PHACTR2: variants seen among roughly 807,000 people sequenced by gnomAD.
PHACTR2 encodes phosphatase and actin regulator 2.
A neutral mutation model predicts 76.0 loss-of-function variants in PHACTR2; 30 were observed. The observed-to-expected ratio is 0.39, with a 90% CI of 0.30 to 0.54. PHACTR2 has a LOEUF of 0.54. Among genes scored for constraint, PHACTR2 ranks in the 20% least tolerant of loss-of-function variants. The pLI, the probability that PHACTR2 is intolerant of heterozygous loss-of-function variation, is 0.61. For synonymous variants in PHACTR2, 292 were observed against 292.5 expected, an observed-to-expected ratio of 1.00 and a Z score of 0.02; for missense variants, 696 against 781.1, an observed-to-expected ratio of 0.89 and a Z score of 1.30.
chr6:143,682,445 T>A (rs1262850545), intron 1 of PHACTR2, among the ~76,000 whole-genome samples: 1 of 152,034 alleles, frequency 6.6e-6, no homozygotes, highest in Non-Finnish European at 1.5e-5. Context: ...AAATTCGAGA[T>A]CTCAAGAGAT....
At chr6:143,785,679 G>T (rs1775539562) in intron 10 of PHACTR2, among the ~76,000 whole-genome samples, 2 of 152,048 alleles carry the variant, frequency 1.3e-5, no homozygotes, top group Admixed American at 6.6e-5. Context: ...GCAAACTTTG[G>T]CCTGGGCATC....
Position 143,700,134 on chromosome 6 carries a change from C to T in PHACTR2, c.47-11882C>T, listed in dbSNP as rs542123577. On this transcript the variant is annotated intron_variant, in intron 1 of 12. Coordinates refer to ENST00000440869, the MANE Select transcript of PHACTR2 (RefSeq NM_001100164.2). This position sits in a 1 kb window ranked among gnomAD's most constrained non-coding sequence, Gnocchi z 4.1. ...CTCTGGGCTTTTATTTATCCACCAG[C>T]CTTTCGACTTAAATATATTGGTCTA... is the stretch of plus-strand genomic sequence containing the variant. Among the ~76,000 whole-genome samples, 19 of 152,252 alleles carry T rather than the reference C, an allele frequency of 1.2e-4. No homozygotes were observed. In the East Asian group the frequency reaches 3.7e-3, roughly 29 times the overall value.
rs1562285866 is a variant in PHACTR2 at position 143,731,734 on chromosome 6, C to A, written c.215-17251C>A. Among the ~76,000 whole-genome samples the A allele has an allele frequency of 6.6e-6, 1 of 152,208 alleles. No homozygotes were observed. Among genetic ancestry groups the A allele is most frequent in the Non-Finnish European group, 1.5e-5 (1 of 68,036 alleles). On this transcript the variant is annotated intron_variant, in intron 2 of 12. Transcript: ENST00000440869. The surrounding 1 kb of genome is among the most constrained non-coding windows in gnomAD (Gnocchi z 4.9). The stretch of plus-strand genomic sequence containing the variant: ...ATATCAGGGCAACACCAACTTTATA[C>A]AATCAGTTGGCAACTGTTCCCTCCT...
chr6:143,771,484 T>TGGAGTGCAATGGCGCGATCTTGGC (rs1775139811), intron 6 of PHACTR2, among the ~76,000 whole-genome samples: 1 of 151,716 alleles, frequency 6.6e-6, no homozygotes. Context: ...TTGCCCAGGC[T>TGGAGTGCAATGGCGCGATCTTGGC]GGAGTGCAAT....
chr6:143,551,252 G>C (rs1462862303), intron 1 of PHACTR2, among the ~76,000 whole-genome samples: 4 of 145,720 alleles, frequency 2.7e-5, no homozygotes, highest in Non-Finnish European at 3.1e-5. Context: ...GCTGAACCCT[G>C]TGTATACACT....
rs201163696 is a variant in PHACTR2, at chr6:143,768,701, G to A, written c.1232+2903G>A. On this transcript the variant is annotated intron_variant, in intron 6 of 12. Coordinates refer to ENST00000440869, the MANE Select transcript of PHACTR2 (RefSeq NM_001100164.2). ...AAGAACTGTCAGACCAAAGAGGTAA[G>A]CATCTGTTCTTCATTCCTACTGGGA... is the stretch of plus-strand genomic sequence containing the variant. 8.5e-5 allele frequency among the ~76,000 whole-genome samples: 13 copies of A among 152,330 alleles called. No homozygotes were observed. The East Asian group carries it at 1.5e-3, about 18-fold the overall frequency.
intron 1 of PHACTR2, among the ~76,000 whole-genome samples, chr6:143,568,599 A>G (rs970526261): frequency 2.0e-5 from 3 of 152,244 alleles, no homozygotes; most frequent in African/African-American, 7.2e-5. Context: ...TCAATCCAGA[A>G]AGCAATCAGT....
chr6:143,649,733 A>G (rs912976624), intron 1 of PHACTR2, among the ~76,000 whole-genome samples: 2 of 152,244 alleles, frequency 1.3e-5, no homozygotes, highest in African/African-American at 4.8e-5. Flanking sequence ...CCCACAGCCA[A>G]TATCATACTG....
chr6:143,740,508 TA>T (rs10638908), intron 2 of PHACTR2, among the ~76,000 whole-genome samples: 20 of 128,696 alleles, frequency 1.6e-4, no homozygotes, highest in African/African-American at 3.2e-4. Context: ...TCCTTTTAAT[TA>T]AAAAAAAAAA....
intron 6 of PHACTR2, among the ~76,000 whole-genome samples, chr6:143,770,005 A>G (rs1460873038): frequency 3.3e-5 from 5 of 152,244 alleles, no homozygotes; most frequent in East Asian, 1.9e-4. Flanking sequence ...ACTTCCATGT[A>G]TATAGCCAAA....
chr6:143,797,903 G>A (rs1215571682), intron 11 of PHACTR2, among the ~76,000 whole-genome samples: 1 of 152,102 alleles, frequency 6.6e-6, no homozygotes, highest in Non-Finnish European at 1.5e-5. Flanking sequence ...TTCCATATGA[G>A]GTTTAAAGTA....
rs1359077224 is a variant in PHACTR2 at position 143,595,783 on chromosome 6, G to A, written c.217+58576G>A. ...AGAATAAAAATAAAGAATGTTACCA[G>A]AATGTTCTACTTAATTTAGCTTTCC... On this transcript the variant is annotated intron_variant, in intron 1 of 11. Coordinates refer to the PHACTR2 transcript ENST00000367584. This position sits in a 1 kb window ranked among gnomAD's most constrained non-coding sequence, Gnocchi z 4.2. Among the ~76,000 whole-genome samples, 1 of 152,186 alleles carries A rather than the reference G, an allele frequency of 6.6e-6. No individual in the cohort carries two copies. Among genetic ancestry groups the A allele is most frequent in the Non-Finnish European group, 1.5e-5 (1 of 68,036 alleles).
rs1776662618 is a variant in PHACTR2, at chr6:143,646,553, C to T, written c.13+38231C>T. On this transcript the variant is annotated intron_variant, in intron 1 of 11. Transcript: ENST00000305766. The surrounding 1 kb of genome is among the most constrained non-coding windows in gnomAD (Gnocchi z 4.1). ...TTCAAATATAACTGAAAAAAAGGTG[C>T]TCCATTTTGCATGATTTATTATTGA... Among the ~76,000 whole-genome samples the T allele has an allele frequency of 6.6e-6, 1 of 152,222 alleles. No homozygotes were observed. The highest frequency in any genetic ancestry group is 1.9e-4 in the East Asian group (1 of 5,182).
chr6:143,753,809 A>G lies in PHACTR2; in HGVS notation c.351A>G (p.Gly117=). 2 of 1,612,068 alleles carry G rather than the reference A, an allele frequency of 1.2e-6. No homozygotes were observed. The highest frequency in any genetic ancestry group is 2.7e-5 in the African/African-American group (2 of 74,940). Residue 117 remains glycine (G), a synonymous_variant, in exon 4 of 13, where the codon GGA becomes GGG. Coordinates refer to ENST00000440869, the MANE Select transcript of PHACTR2 (RefSeq NM_001100164.2). The surrounding 1 kb of genome is among the most constrained non-coding windows in gnomAD (Gnocchi z 4.6). ...ENSNGHMIPI[G]EESTREENVV... is the part of the protein sequence containing the mutation. ...CAAACGGGCACATGATACCCATCGG[A>G]GAGGAATCTACCCGAGAGGAAAATG...
Position 143,680,570 on chromosome 6 carries a change from C to CT in PHACTR2, c.46+2362dup, listed in dbSNP as rs1777369106. ...TAGAGCCTTTCAGTTTAGGTTGCAC[C>CT]TAATTCTCTGGGTTCTAGGAAGACC... On this transcript the variant is annotated intron_variant, in intron 1 of 12. Coordinates refer to ENST00000440869, the MANE Select transcript of PHACTR2 (RefSeq NM_001100164.2). The surrounding 1 kb of genome is among the most constrained non-coding windows in gnomAD (Gnocchi z 4.5). 6.6e-6 allele frequency among the ~76,000 whole-genome samples: 1 copy of CT among 152,134 alleles called. No individual in the cohort carries two copies. Among genetic ancestry groups the CT allele is most frequent in the Non-Finnish European group, 1.5e-5 (1 of 68,010 alleles).
intron 1 of PHACTR2, among the ~76,000 whole-genome samples, chr6:143,593,046 CAAAAAAAAAAAA>C (rs67052242): frequency 2.5e-5 from 2 of 78,888 alleles, no homozygotes; most frequent in East Asian, 4.2e-4. Flanking sequence ...GACCCTGCCT[CAAAAAAAAAAAA>C]AAAAAAAAAA....
chr6:143,677,973 G>C lies in PHACTR2; in HGVS notation c.-191G>C. On this transcript the variant is annotated 5_prime_UTR_variant, in exon 1 of 13. Coordinates refer to ENST00000440869, the MANE Select transcript of PHACTR2 (RefSeq NM_001100164.2). ...ATAGAGGAATGACAGGCATCCGCTG[G>C]GCAGGATCCGCCGCGCCGGCTGCGG... The C allele has an allele frequency of 7.0e-7, 1 of 1,421,244 alleles. No homozygotes were observed. 88.0% of individuals were successfully genotyped at this position (1,421,244 alleles called of 1,614,324 possible). A position where few individuals can be genotyped will look rare whatever the true frequency, so the allele number is the denominator to read the frequency against.
rs1347778359 is a variant in PHACTR2, at chr6:143,598,097, C to G, written c.217+60890C>G. Reference sequence around the variant, plus strand: ...GGTCGAAGAATGCCCCCCGCGCCCCCAAAAAAGAACCATATCTTAACCCCT... The same window carrying G: ...GGTCGAAGAATGCCCCCCGCGCCCCGAAAAAAGAACCATATCTTAACCCCT... On this transcript the variant is annotated intron_variant, in intron 1 of 11. Coordinates refer to the PHACTR2 transcript ENST00000367584. The surrounding 1 kb of genome is among the most constrained non-coding windows in gnomAD (Gnocchi z 4.1). Among the ~76,000 whole-genome samples, 1 of 151,908 alleles carries G rather than the reference C, an allele frequency of 6.6e-6. No homozygotes were observed. Among genetic ancestry groups the G allele is most frequent in the East Asian group, 1.9e-4 (1 of 5,188 alleles).
rs1316996214 is a variant in PHACTR2 at position 143,548,656 on chromosome 6, G to A, written c.217+11449G>A. On this transcript the variant is annotated intron_variant, in intron 1 of 11. Transcript: ENST00000367584. This position sits in a 1 kb window ranked among gnomAD's most constrained non-coding sequence, Gnocchi z 4.5. Reference sequence around the variant, plus strand: ...TGGAGAGCACAGTTCCTCGATGAGAGGTGGGGGACTGGGAAAACACAACAA... The same window carrying A: ...TGGAGAGCACAGTTCCTCGATGAGAAGTGGGGGACTGGGAAAACACAACAA... Among the ~76,000 whole-genome samples, 1 of 152,016 alleles carries A rather than the reference G, an allele frequency of 6.6e-6. No individual in the cohort carries two copies. Among genetic ancestry groups the A allele is most frequent in the South Asian group, 2.1e-4 (1 of 4,814 alleles).
Sources: gnomAD v4.1 joint callset for allele counts (sites outside exome capture counted in the v4.1 genomes callset) on GRCh38, gnomAD v4.1.1 for gene constraint, Gnocchi (gnomAD v3.1) non-coding constraint, MANE v1.5 for transcripts, NCBI Gene and HGNC (gene_info 2026-07-23, HGNC 2026-07-21) for gene names.